The following CARF variants were observed in gnomAD, a reference collection of about 807,000 sequenced individuals.
CARF encodes calcium-responsive transcription factor.
Under a neutral mutation model 82.0 loss-of-function variants are expected in CARF, and 57 were observed. The ratio of observed to expected loss-of-function variants is 0.70; its 90% CI spans 0.56 to 0.87. CARF has a LOEUF of 0.87. Among genes scored for constraint, CARF ranks in the 40% least tolerant of loss-of-function variants. The pLI, the probability that CARF is intolerant of heterozygous loss-of-function variation, is 0.00. For missense variants in CARF, 771 were observed against 855.8 expected (o/e 0.90, Z 1.24); for synonymous variants, 268 against 290.1 (o/e 0.92, Z 0.77).
Position 202,912,367 on chromosome 2 carries a change from G to C in CARF, c.-1065G>C, listed in dbSNP as rs1688742743. The C allele has an allele frequency of 6.6e-6, 1 of 151,794 alleles. No individual in the cohort carries two copies. Among genetic ancestry groups the C allele is most frequent in the South Asian group, 2.1e-4 (1 of 4,802 alleles). The allele number at this position is 151,794 out of a possible 1,614,324, so 9.4% of individuals were successfully genotyped here. ...TGAATTTTCTCCCCTCTGCTCCGGC[G>C]GACTTCCCATGTCGCCTTGTGGGGC... On this transcript the variant is annotated 5_prime_UTR_variant, in exon 1 of 17. Coordinates refer to ENST00000438828, the MANE Select transcript of CARF (RefSeq NM_024744.17).
intron 2 of CARF, among the ~76,000 whole-genome samples, chr2:202,920,013 A>G (rs891006429): frequency 2.6e-5 from 4 of 152,202 alleles, no homozygotes; most frequent in Non-Finnish European, 5.9e-5. Flanking sequence ...GAACCTCATC[A>G]TCTTTTTCTA....
chr2:202,930,868 A>T (rs1288121019), intron 3 of CARF, among the ~76,000 whole-genome samples: 1 of 151,732 alleles, frequency 6.6e-6, no homozygotes, highest in Non-Finnish European at 1.5e-5. Flanking sequence ...AGCCTATTCA[A>T]CTTATATTTA....
chr2:202,949,516 T>TTTTTTATTATTA lies in CARF; in HGVS notation c.307-3041_307-3040insTTTATTATTATT, dbSNP rs1337589852. 3.3e-5 allele frequency among the ~76,000 whole-genome samples: 3 copies of TTTTTTATTATTA among 91,656 alleles called. 1 individual carries two copies. Among genetic ancestry groups the TTTTTTATTATTA allele is most frequent in the Admixed American group, 2.3e-4 (2 of 8,724 alleles). 60.1% of individuals were successfully genotyped at this position (91,656 alleles called of 152,430 possible). ...TTTCAATATGACTTTTTGTTATTTA[T>TTTTTTATTATTA]TTATTATTATTATTATTATTATTAT... On this transcript the variant is annotated intron_variant, in intron 5 of 16. Transcript: ENST00000438828.
chr2:202,932,632 C>T (rs957294743), intron 3 of CARF, among the ~76,000 whole-genome samples: 1 of 152,034 alleles, frequency 6.6e-6, no homozygotes. Context: ...GTATCTCAGA[C>T]TCTGTGAGGC....
intron 2 of CARF, among the ~76,000 whole-genome samples, chr2:202,922,498 G>C (rs966163379): frequency 6.6e-6 from 1 of 152,128 alleles, no homozygotes; most frequent in Non-Finnish European, 1.5e-5. Flanking sequence ...AGTCAGACAA[G>C]AGAAAGAAAT....
intron 13 of CARF, among the ~76,000 whole-genome samples, chr2:202,975,307 G>T (rs1403391364): frequency 6.6e-6 from 1 of 152,206 alleles, no homozygotes; most frequent in East Asian, 1.9e-4. Context: ...AGCCGGGCAT[G>T]GTGGCAGGTG....
rs1281935084 is a variant in CARF, at chr2:202,985,465, A to G, written c.*1841A>G. The G allele has an allele frequency of 4.6e-5, 7 of 152,076 alleles. No individual in the cohort carries two copies. The highest frequency in any genetic ancestry group is 2.0e-4 in the Admixed American group (3 of 15,272). 9.4% of individuals were successfully genotyped at this position (152,076 alleles called of 1,614,324 possible). ...GCAAAGCTAATATTTAGTTATATGT[A>G]TGATTTTTAATAAAAATTACTTTAC... On this transcript the variant is annotated 3_prime_UTR_variant, in exon 17 of 17. Transcript: ENST00000438828.
Position 202,966,636 on chromosome 2 carries a change from G to C in CARF, c.833-342G>C, listed in dbSNP as rs531965754. The stretch of plus-strand genomic sequence containing the variant: ...GAGGCAGGAGAACTGCTTGAACCCA[G>C]GAGGTGGAGGTTGCAGTGAGCCAAG... On this transcript the variant is annotated intron_variant, in intron 9 of 16. Coordinates refer to ENST00000438828, the MANE Select transcript of CARF (RefSeq NM_024744.17). 2.0e-5 allele frequency among the ~76,000 whole-genome samples: 3 copies of C among 152,246 alleles called. No individual in the cohort carries two copies. The East Asian group carries it at 5.8e-4, about 29-fold the overall frequency.
At chr2:202,934,157 C>T (rs1693490756) in intron 3 of CARF, among the ~76,000 whole-genome samples, 1 of 152,050 alleles carries the variant, frequency 6.6e-6, no homozygotes, top group Admixed American at 6.6e-5. Flanking sequence ...ACAGGTTGGA[C>T]AAGCTTAGTT....
chr2:202,917,229 A>AAGG, intron 1 of CARF, among the ~76,000 whole-genome samples: 1 of 150,246 alleles, frequency 6.7e-6, no homozygotes, highest in Non-Finnish European at 1.5e-5. Context: ...AAAAAAAAAA[A>AAGG]AAAAAAAGCG....
Position 202,961,244 on chromosome 2 carries a change from G to A in CARF, c.650G>A (p.Gly217Glu). 6.3e-7 allele frequency: 1 copy of A among 1,599,186 alleles called. No individual in the cohort carries two copies. Among genetic ancestry groups the A allele is most frequent in the Non-Finnish European group, 8.5e-7 (1 of 1,171,312 alleles). ...ACRLRSCEKI[G>E]DSYRGYCVSE... is the part of the protein sequence containing the mutation. Reference sequence around the variant, plus strand: ...AATTTCTACCACATGCAGAAAATTGGAGATTCATACCGTGGCTACTGTGTA... The same window carrying A: ...AATTTCTACCACATGCAGAAAATTGAAGATTCATACCGTGGCTACTGTGTA... The change falls in exon 9 of 17, where the codon GGA becomes GAA. Residue 217 changes from glycine to glutamate, a missense_variant. Physicochemically the swap from Gly to Glu is moderately conservative, Grantham distance 98. Transcript: ENST00000438828.
intron 3 of CARF, chr2:202,924,963 G>A (rs975463075): frequency 1.2e-5 from 4 of 333,042 alleles, no homozygotes; most frequent in African/African-American, 6.5e-5. Flanking sequence ...TCACTGAGAA[G>A]GTACCCTTCC....
At position 202,984,351 on chromosome 2, in the gene CARF, A is replaced by G. The variant is rs1227605204; in HGVS notation, c.*727A>G. On this transcript the variant is annotated 3_prime_UTR_variant, in exon 17 of 17. Coordinates refer to ENST00000438828, the MANE Select transcript of CARF (RefSeq NM_024744.17). ...TTAATCAGATAAGCAACAGAAATCA[A>G]CATATGTAGCATGGATTTGTGCTAT... The G allele has an allele frequency of 1.3e-5, 2 of 152,232 alleles. No individual in the cohort carries two copies. Among genetic ancestry groups the G allele is most frequent in the Non-Finnish European group, 2.9e-5 (2 of 68,032 alleles). The allele number at this position is 152,232 out of a possible 1,614,324, so 9.4% of individuals were successfully genotyped here.
intron 8 of CARF, among the ~76,000 whole-genome samples, chr2:202,959,526 A>C (rs1023741986): frequency 3.3e-5 from 5 of 152,182 alleles, no homozygotes; most frequent in African/African-American, 7.2e-5. Context: ...TTGAAAAAAA[A>C]GTTTCTCCCC....
Position 202,987,143 on chromosome 2 carries a change from C to T in CARF, c.*3519C>T. The T allele has an allele frequency of 6.6e-6, 1 of 151,384 alleles. No homozygotes were observed. The highest frequency in any genetic ancestry group is 1.5e-5 in the Non-Finnish European group (1 of 67,894). The allele number at this position is 151,384 out of a possible 1,614,324, so 9.4% of individuals were successfully genotyped here. On this transcript the variant is annotated 3_prime_UTR_variant, in exon 17 of 17. Coordinates refer to ENST00000438828, the MANE Select transcript of CARF (RefSeq NM_024744.17). ...CTACAAGTAACTCCTGTTAGCATTA[C>T]ATTTTGGGGAGACATATATGCATTT...
chr2:202,932,577 A>T (rs1693134006), intron 3 of CARF, among the ~76,000 whole-genome samples: 1 of 152,056 alleles, frequency 6.6e-6, no homozygotes, highest in Non-Finnish European at 1.5e-5. Flanking sequence ...TCCCAGGGGG[A>T]TGAAGCACTG....
rs761675135 is a variant in CARF at position 202,987,789 on chromosome 2, G to A, written c.*4165G>A. ...ACAGGGTGTGAATCATGTACCAGGAGGGATTTTATTTTTAAATATCTTTAT... is the reference window on the plus strand; with the variant it reads ...ACAGGGTGTGAATCATGTACCAGGAAGGATTTTATTTTTAAATATCTTTAT... On this transcript the variant is annotated 3_prime_UTR_variant, in exon 17 of 17. Coordinates refer to ENST00000438828, the MANE Select transcript of CARF (RefSeq NM_024744.17). 6.6e-6 allele frequency among the ~76,000 whole-genome samples: 1 copy of A among 152,078 alleles called. No individual in the cohort carries two copies. The highest frequency in any genetic ancestry group is 2.4e-5 in the African/African-American group (1 of 41,412).
Position 202,961,273 on chromosome 2 carries a change from G to A in CARF, c.679G>A (p.Glu227Lys). Residue 227 changes from glutamate to lysine, a missense_variant, in exon 9 of 17, where the codon GAG becomes AAG. Physicochemically the swap from Glu to Lys is moderately conservative, Grantham distance 56. Coordinates refer to ENST00000438828, the MANE Select transcript of CARF (RefSeq NM_024744.17). ...GDSYRGYCVS[E>K]TELESVLTFH... ...TTCATACCGTGGCTACTGTGTAAGT[G>A]AGACTGAATTAGAAAGTGTCCTAAC... 6.2e-7 allele frequency: 1 copy of A among 1,614,040 alleles called. No homozygotes were observed. The highest frequency in any genetic ancestry group is 8.5e-7 in the Non-Finnish European group (1 of 1,179,966).
chr2:202,971,808 A>G (rs2059801523), intron 12 of CARF, 70 bp downstream of exon 12: 2 of 1,130,866 alleles, frequency 1.8e-6, no homozygotes, highest in African/African-American at 1.6e-5. Flanking sequence ...TACAGTGAAC[A>G]TTGGAGATAT....
Sources: gnomAD v4.1 joint callset for allele counts (sites outside exome capture counted in the v4.1 genomes callset) on GRCh38, gnomAD v4.1.1 for gene constraint, MANE v1.5 for transcripts, NCBI Gene and HGNC (gene_info 2026-07-23, HGNC 2026-07-21) for gene names.